NRXN3: variants seen among roughly 807,000 people sequenced by gnomAD.
NRXN3 encodes neurexin 3.
In NRXN3, 32 loss-of-function variants were observed where a neutral mutation model predicts 137.6. The observed-to-expected ratio is 0.23, with a 90% CI of 0.18 to 0.31. NRXN3 has a LOEUF of 0.31. Among genes scored for constraint, NRXN3 ranks in the 10% least tolerant of loss-of-function variants. The pLI is 1.00. For synonymous variants in NRXN3, 798 were observed against 784.5 expected, an observed-to-expected ratio of 1.02 and a Z score of -0.29; for missense variants, 1,574 against 2,062.5, an observed-to-expected ratio of 0.76 and a Z score of 4.59.
chr14:78,269,699 C>T (rs893456594), intron 2 of NRXN3, among the ~76,000 whole-genome samples: 12 of 152,168 alleles, frequency 7.9e-5, no homozygotes, highest in Admixed American at 2.0e-4. Flanking sequence ...CCCGTATCAC[C>T]ATCCCCTACA....
intron 4 of NRXN3, among the ~76,000 whole-genome samples, chr14:78,595,634 A>G (rs531879112): frequency 3.3e-5 from 5 of 152,256 alleles, no homozygotes; most frequent in Non-Finnish European, 5.9e-5. Flanking sequence ...TTCTGTAGAC[A>G]TTGTCTTGTT....
chr14:79,388,340 G>C (rs2094714288), intron 15 of NRXN3, among the ~76,000 whole-genome samples: 1 of 152,024 alleles, frequency 6.6e-6, no homozygotes, highest in African/African-American at 2.4e-5. Flanking sequence ...TTCCTTTATA[G>C]CAATGCAAGA....
intron 16 of NRXN3, among the ~76,000 whole-genome samples, chr14:79,623,439 G>C (rs866727370): frequency 2.0e-5 from 3 of 152,110 alleles, no homozygotes; most frequent in African/African-American, 7.2e-5. Flanking sequence ...TAGACACTTC[G>C]TTTATCTACT....
intron 15 of NRXN3, among the ~76,000 whole-genome samples, chr14:79,147,077 T>A (rs2059367481): frequency 6.6e-6 from 1 of 151,986 alleles, no homozygotes; most frequent in Non-Finnish European, 1.5e-5. Context: ...CAGGTCAGAT[T>A]TAAAAGACAT....
chr14:79,780,548 G>T (rs1392952705), intron 19 of NRXN3, among the ~76,000 whole-genome samples: 1 of 152,122 alleles, frequency 6.6e-6, no homozygotes, highest in Non-Finnish European at 1.5e-5. Context: ...GGCGGAGCTT[G>T]CAGTGAGTCG....
In NRXN3 at chr14:78,861,088, A is replaced by G. The variant is rs1438364775; in HGVS notation, c.2275+50744A>G. Among the ~76,000 whole-genome samples, 6 of 131,476 alleles carry G rather than the reference A, an allele frequency of 4.6e-5. No homozygotes were observed. In the East Asian group the frequency reaches 1.5e-3, roughly 32 times the overall value. The allele number at this position is 131,476 out of a possible 152,430, so 86.3% of individuals were successfully genotyped here. On this transcript the variant is annotated intron_variant, in intron 10 of 20. Transcript: ENST00000335750. ...TGTATATTACCAGGTATAGTCCTGT[A>G]ATAGTTCCACCTTTCTGCATAAAAG...
chr14:78,310,354 G>A (rs114185434), intron 4 of NRXN3, among the ~76,000 whole-genome samples: 2,552 of 150,038 alleles, frequency 0.017, 58 homozygotes, highest in African/African-American at 0.058. Flanking sequence ...CATTGGCTCA[G>A]CTAAGGATTT....
chr14:78,913,557 T>C (rs2099246727), intron 10 of NRXN3, among the ~76,000 whole-genome samples: 1 of 152,038 alleles, frequency 6.6e-6, no homozygotes. Flanking sequence ...GGATTATAGA[T>C]GTGAGCCACC....
intron 16 of NRXN3, among the ~76,000 whole-genome samples, chr14:79,662,157 C>T (rs751344419): frequency 3.9e-5 from 6 of 152,108 alleles, no homozygotes; most frequent in Non-Finnish European, 7.4e-5. Flanking sequence ...CTCTTTTGTT[C>T]ATAAATTACC....
chr14:78,479,871 A>C (rs2095443139), intron 4 of NRXN3, among the ~76,000 whole-genome samples: 1 of 152,162 alleles, frequency 6.6e-6, no homozygotes, highest in African/African-American at 2.4e-5. Context: ...AAGGCTGGGC[A>C]TGGTGGTTCA....
chr14:78,805,485 C>T (rs1012347630), intron 9 of NRXN3, among the ~76,000 whole-genome samples: 3 of 151,814 alleles, frequency 2.0e-5, no homozygotes, highest in African/African-American at 7.3e-5. Flanking sequence ...CTGGCATACC[C>T]CTGACCCTAC....
intron 16 of NRXN3, among the ~76,000 whole-genome samples, chr14:79,608,802 A>G (rs1055979065): frequency 2.6e-5 from 4 of 152,054 alleles, no homozygotes; most frequent in Admixed American, 1.3e-4. Flanking sequence ...TCCTGCATAT[A>G]CTTAAAAAAC....
intron 14 of NRXN3, among the ~76,000 whole-genome samples, chr14:78,974,904 A>G (rs1308140185): frequency 6.6e-6 from 1 of 152,208 alleles, no homozygotes; most frequent in Non-Finnish European, 1.5e-5. Context: ...ACAAAAATGT[A>G]TTCAGAAGGA....
At chr14:79,191,101 T>G (rs1449374139) in intron 15 of NRXN3, among the ~76,000 whole-genome samples, 3 of 152,200 alleles carry the variant, frequency 2.0e-5, no homozygotes, top group Non-Finnish European at 4.4e-5. Context: ...GGTCTTTGGA[T>G]GAAGGCCTGA....
At chr14:79,512,297 C>G (rs2096939535) in intron 16 of NRXN3, among the ~76,000 whole-genome samples, 1 of 152,068 alleles carries the variant, frequency 6.6e-6, no homozygotes, top group Admixed American at 6.6e-5. Context: ...AGAAATTATG[C>G]CTCATCTTGG....
At chr14:79,228,308 C>A (rs193170811) in intron 15 of NRXN3, among the ~76,000 whole-genome samples, 1 of 151,660 alleles carries the variant, frequency 6.6e-6, no homozygotes, top group South Asian at 2.1e-4. Context: ...GAGGGATAAA[C>A]AATTGGAATA....
At chr14:78,278,623 C>G in intron 2 of NRXN3, 22 bp from the exon 3 acceptor site, 3 of 1,532,892 alleles carry the variant, frequency 2.0e-6, no homozygotes, top group African/African-American at 1.4e-5. Context: ...CCCTTTCCCT[C>G]CCTTTGAAAA....
chr14:78,641,022 A>G (rs1378822978), intron 4 of NRXN3, among the ~76,000 whole-genome samples: 1 of 152,232 alleles, frequency 6.6e-6, no homozygotes, highest in Non-Finnish European at 1.5e-5. Flanking sequence ...GCTTGAATAA[A>G]TACAAGGTGA....
intron 20 of NRXN3, among the ~76,000 whole-genome samples, chr14:79,816,298 T>C (rs959935722): frequency 2.6e-5 from 4 of 152,316 alleles, no homozygotes; most frequent in African/African-American, 9.6e-5. Context: ...AAGTACTAAG[T>C]TATCGAATTT....
Sources: gnomAD v4.1 joint callset for allele counts (sites outside exome capture counted in the v4.1 genomes callset) on GRCh38, gnomAD v4.1.1 for gene constraint, MANE v1.5 for transcripts, NCBI Gene and HGNC (gene_info 2026-07-23, HGNC 2026-07-21) for gene names.